The following EIF4A3 variants were observed in gnomAD, a reference collection of about 807,000 sequenced individuals.
EIF4A3 encodes eukaryotic initiation factor 4A-III.
In EIF4A3, 1 loss-of-function variant was observed where a neutral mutation model predicts 55.6. The observed-to-expected ratio is 0.02, with a 90% confidence interval of 0.01 to 0.09. The LOEUF is 0.09. Ranked by LOEUF, EIF4A3 falls within the 10% of genes least tolerant of loss-of-function variation. The pLI is 1.00. For synonymous variants in EIF4A3, 194 were observed against 196.3 expected (o/e 0.99, Z 0.10); for missense variants, 221 against 540.7 (o/e 0.41, Z 5.86).
At chr17:80,140,448 G>C (rs2039608297) in intron 4 of EIF4A3, 1 of 221,938 alleles carries the variant, frequency 4.5e-6, no homozygotes, top group Admixed American at 5.6e-5. Flanking sequence ...TGAGTAGCTG[G>C]GACTACAGGC....
chr17:80,138,758 G>A (rs2039593820), intron 7 of EIF4A3: 2 of 437,900 alleles, frequency 4.6e-6, no homozygotes, highest in Non-Finnish European at 8.2e-6. Context: ...CGCCCTACCT[G>A]GCTAATTTTT....
chr17:80,139,813 C>T lies in EIF4A3; in HGVS notation c.506-63G>A, dbSNP rs1331722696. ...CATCTATGAGATTTTGAAATAATCA[C>T]ACCTGAGGCTCCCAAGAAAGAGCTC... On this transcript the variant is annotated intron_variant, in intron 5 of 11. Transcript: ENST00000649764. The T allele has an allele frequency of 5.8e-6, 9 of 1,552,426 alleles. No individual in the cohort carries two copies. The African/African-American group carries it at 9.6e-5, about 17-fold the overall frequency.
At chr17:80,137,200 G>T in intron 9 of EIF4A3, 186 bp downstream of exon 9, 1 of 495,074 alleles carries the variant, frequency 2.0e-6, no homozygotes, top group Non-Finnish European at 3.6e-6. Flanking sequence ...CTCAACCTAA[G>T]TATTACAGGA....
intron 7 of EIF4A3, 91 bp downstream of exon 7, chr17:80,138,930 T>C: frequency 2.6e-6 from 4 of 1,541,246 alleles, no homozygotes; most frequent in Admixed American, 3.6e-5. Context: ...ACAGCCAGAC[T>C]CTGGCTATAA....
intron 9 of EIF4A3, 98 bp downstream of exon 9, chr17:80,137,288 C>T (rs1406464910): frequency 4.8e-6 from 5 of 1,042,870 alleles, no homozygotes; most frequent in Non-Finnish European, 6.8e-6. Context: ...GCTTGGCATC[C>T]CCCCGGGTGT....
In EIF4A3 at chr17:80,141,911, CAAGGCCTGGGCTCCAGAGGCACTTA is replaced by C. The variant is rs1478408870; in HGVS notation, c.243-88_243-64del. On this transcript the variant is annotated intron_variant, in intron 2 of 11. Transcript: ENST00000649764. ...GACAGGCCACGCCACAGCTGCACTCCAAGGCCTGGGCTCCAGAGGCACTTAGGTACCTTCTTCCAGCAAGCCCCCG... is the reference window on the plus strand; with the variant it reads ...GACAGGCCACGCCACAGCTGCACTCCGGTACCTTCTTCCAGCAAGCCCCCG... The C allele has an allele frequency of 2.1e-6, 3 of 1,418,944 alleles. No individual in the cohort carries two copies. The African/African-American group carries it at 4.3e-5, about 20-fold the overall frequency. The allele number at this position is 1,418,944 out of a possible 1,614,324, so 87.9% of individuals were successfully genotyped here. A position where few individuals can be genotyped will look rare whatever the true frequency, so the allele number is the denominator to read the frequency against.
At chr17:80,143,955 G>A (rs543876827) in intron 2 of EIF4A3, among the ~76,000 whole-genome samples, 2 of 152,290 alleles carry the variant, frequency 1.3e-5, no homozygotes, top group Admixed American at 1.3e-4. Context: ...ACTCCAGCCT[G>A]GGCAACAGAG....
intron 1 of EIF4A3, among the ~76,000 whole-genome samples, 191 bp downstream of exon 1, chr17:80,146,602 G>A (rs994407216): frequency 2.0e-5 from 3 of 152,184 alleles, no homozygotes; most frequent in East Asian, 1.9e-4. Context: ...CACCGAAAGC[G>A]CCGACACAGC....
chr17:80,139,849 T>A (rs2039603301), intron 5 of EIF4A3, 99 bp from the exon 6 acceptor site: 1 of 1,488,404 alleles, frequency 6.7e-7, no homozygotes, highest in East Asian at 2.3e-5. Flanking sequence ...ATCATTCCAC[T>A]GGTCTCAGGG....
intron 8 of EIF4A3, chr17:80,137,710 C>T (rs1014132371): frequency 9.3e-6 from 5 of 539,776 alleles, no homozygotes; most frequent in African/African-American, 5.8e-5. Context: ...TCATTTTCTC[C>T]ATATAATGAC....
intron 2 of EIF4A3, among the ~76,000 whole-genome samples, chr17:80,142,877 G>GA (rs1277274554): frequency 1.3e-5 from 2 of 151,898 alleles, no homozygotes; most frequent in African/African-American, 2.4e-5. Context: ...TGTCTCTACA[G>GA]AAAATACAAA....
chr17:80,140,054 C>G lies in EIF4A3; in HGVS notation c.459G>C (p.Leu153=). Reference sequence around the variant, plus strand: ...CCGCGACAACATGCTGTCCGTAATCCAGCTTCCTGATGTCCTCGCCAACAT... The same window carrying G: ...CCGCGACAACATGCTGTCCGTAATCGAGCTTCCTGATGTCCTCGCCAACAT... ...GTNVGEDIRK[L]DYGQHVVAGT... Residue 153 remains leucine (L), a synonymous_variant, in exon 5 of 12, where the codon CTG becomes CTC. Coordinates refer to ENST00000649764, the MANE Select transcript of EIF4A3 (RefSeq NM_014740.4). The G allele has an allele frequency of 6.2e-7, 1 of 1,613,982 alleles. No homozygotes were observed. The highest frequency in any genetic ancestry group is 8.5e-7 in the Non-Finnish European group (1 of 1,180,012).
chr17:80,135,966 T>C, intron 11 of EIF4A3, 38 bp downstream of exon 11: 1 of 1,599,884 alleles, frequency 6.3e-7, no homozygotes, highest in Non-Finnish European at 8.5e-7. Context: ...ATAGGGAAGT[T>C]CCCTCTACAA....
At chr17:80,145,333 G>A (rs1211386302) in intron 1 of EIF4A3, among the ~76,000 whole-genome samples, 10 of 152,230 alleles carry the variant, frequency 6.6e-5, no homozygotes, top group Non-Finnish European at 1.3e-4. Context: ...GGGAGGCTGA[G>A]GCTGGTGGAT....
rs1163812388 is a variant in EIF4A3, at chr17:80,144,211, G to A, written c.203C>T (p.Ala68Val). The part of the protein sequence containing the change: ...FEKPSAIQQR[A>V]IKQIIKGRDV... ...TCTCCCTTTGATGATCTGCTTGATT[G>A]CTCGTTGCTGGATTGCTGATGGTTT... Residue 68 changes from alanine to valine, a missense_variant, in exon 2 of 12, where the codon GCA becomes GTA. Coordinates refer to ENST00000649764, the MANE Select transcript of EIF4A3 (RefSeq NM_014740.4). 1 of 1,613,856 alleles carries A rather than the reference G, an allele frequency of 6.2e-7. No individual in the cohort carries two copies. Among genetic ancestry groups the A allele is most frequent in the African/African-American group, 1.3e-5 (1 of 74,852 alleles).
chr17:80,138,793 T>C (rs1357448989), intron 7 of EIF4A3: 7 of 551,636 alleles, frequency 1.3e-5, no homozygotes, highest in Non-Finnish European at 2.2e-5. Context: ...ATACGGTCTC[T>C]ATATGTTGCC....
chr17:80,138,787 G>A (rs78357542), intron 7 of EIF4A3: 23,188 of 510,388 alleles, frequency 0.045, 817 homozygotes, highest in East Asian at 0.14. Context: ...GTAGAGATAC[G>A]GTCTCTATAT....
At chr17:80,139,898 G>GGT (rs2143991389) in intron 5 of EIF4A3, 110 bp downstream of exon 5, 1 of 1,528,560 alleles carries the variant, frequency 6.5e-7, no homozygotes, top group East Asian at 2.3e-5. Flanking sequence ...AAGTGACCCA[G>GGT]GTGCAAAAGT....
At chr17:80,141,874 G>C (rs1311116469) in intron 2 of EIF4A3, 26 bp from the exon 3 acceptor site, 5 of 1,608,470 alleles carry the variant, frequency 3.1e-6, no homozygotes. Context: ...AAAGCAGTGG[G>C]ATTAGAGGGA....
Sources: allele counts gnomAD v4.1 joint callset (sites outside exome capture counted in the v4.1 genomes callset), GRCh38; gene constraint gnomAD v4.1.1; transcripts MANE v1.5; gene names NCBI Gene and HGNC (gene_info 2026-07-23, HGNC 2026-07-21).